The following ZMYND10 variants were observed in gnomAD, a reference collection of about 807,000 sequenced individuals.
ZMYND10 encodes zinc finger MYND-type containing 10.
In ZMYND10, 52 loss-of-function variants were observed where a neutral mutation model predicts 62.6. The observed-to-expected ratio is 0.83, with a 90% CI of 0.67 to 1.05. The LOEUF is 1.05. Among genes scored for constraint, ZMYND10 ranks in the 50% least tolerant of loss-of-function variants. The pLI is 0.00. For synonymous variants in ZMYND10, 197 were observed against 218.5 expected, an observed-to-expected ratio of 0.90 and a Z score of 0.87; for missense variants, 438 against 543.3, an observed-to-expected ratio of 0.81 and a Z score of 1.93.
chr3:50,341,934 A>G lies in ZMYND10; in HGVS notation c.1000-3T>C. ...AGCCGCTCCCAGATTTCTGGGATCT[A>G]GGAGAGAGAAGTGGAGAGTGGCAGG... On this transcript the variant is annotated splice_polypyrimidine_tract_variant and splice_region_variant and intron_variant, in intron 9 of 11. Transcript: ENST00000231749. 2 of 1,614,160 alleles carry G rather than the reference A, an allele frequency of 1.2e-6. No homozygotes were observed. Among genetic ancestry groups the G allele is most frequent in the Non-Finnish European group, 8.5e-7 (1 of 1,180,006 alleles).
In ZMYND10 at chr3:50,343,462, G is replaced by T; in HGVS notation, c.373-18C>A. 1.9e-6 allele frequency: 3 copies of T among 1,612,334 alleles called. No individual in the cohort carries two copies. Among genetic ancestry groups the T allele is most frequent in the Non-Finnish European group, 2.5e-6 (3 of 1,178,498 alleles). ...CACACCTCCTGGGAAAAGGAGGAGG[G>T]AAACTTTCTGTGTCTGATGCCTTCC... On this transcript the variant is annotated intron_variant, in intron 4 of 11. Transcript: ENST00000231749.
Position 50,345,395 on chromosome 3 carries a change from C to T in ZMYND10, c.92+93G>A, listed in dbSNP as rs1703513197. The T allele has an allele frequency of 6.5e-7, 1 of 1,528,578 alleles. No homozygotes were observed. Among genetic ancestry groups the T allele is most frequent in the Non-Finnish European group, 8.8e-7 (1 of 1,131,244 alleles). The allele number at this position is 1,528,578 out of a possible 1,614,324, so 94.7% of individuals were successfully genotyped here. A position where few individuals can be genotyped will look rare whatever the true frequency, so the allele number is the denominator to read the frequency against. On this transcript the variant is annotated intron_variant, in intron 1 of 11. Transcript: ENST00000231749. The surrounding 1 kb of genome is among the most constrained non-coding windows in gnomAD (Gnocchi z 5.0). ...GCTCTGCTCCCCCATTTGGGAGCCC[C>T]TCCACACTGGGCAGCCCCTCCCCCG...
In ZMYND10 at chr3:50,341,350, G is replaced by T; in HGVS notation, c.*60C>A. 1.3e-6 allele frequency: 2 copies of T among 1,595,258 alleles called. No individual in the cohort carries two copies. The highest frequency in any genetic ancestry group is 1.7e-6 in the Non-Finnish European group (2 of 1,167,144). On this transcript the variant is annotated 3_prime_UTR_variant, in exon 12 of 12. Transcript: ENST00000231749. ...GGCTGGACCGTGATCTTGAGGTTCA[G>T]GGGTGCATTCTGGGTGGATTCCCTT...
At position 50,343,432 on chromosome 3, in the gene ZMYND10, ACT is replaced by A; in HGVS notation, c.383_384del (p.Glu128ValfsTer31). 1 of 1,612,114 alleles carries A rather than the reference ACT, an allele frequency of 6.2e-7. No homozygotes were observed. Among genetic ancestry groups the A allele is most frequent in the South Asian group, 1.1e-5 (1 of 91,038 alleles). On this transcript the variant is annotated frameshift_variant, in exon 5 of 12. Coordinates refer to ENST00000231749, the MANE Select transcript of ZMYND10 (RefSeq NM_015896.4). LOFTEE classifies it high-confidence loss of function. The part of the protein sequence containing the change: ...ETVFFHKEVC[E>X]SAEDTVLDLV... The stretch of plus-strand genomic sequence containing the variant: ...AAGTCCAAGACAGTGTCTTCTGCTG[ACT>A]CACACACCTCCTGGGAAAAGGAGGA...
Position 50,341,260 on chromosome 3 carries a change from G to A in ZMYND10, c.*150C>T. 4 of 930,058 alleles carry A rather than the reference G, an allele frequency of 4.3e-6. No homozygotes were observed. The highest frequency in any genetic ancestry group is 1.6e-5 in the South Asian group (1 of 63,052). 57.6% of individuals were successfully genotyped at this position (930,058 alleles called of 1,614,324 possible). A position where few individuals can be genotyped will look rare whatever the true frequency, so the allele number is the denominator to read the frequency against. ...AGCCTTCACTTGGGGTGAGGAGGAG[G>A]GAGATCGGTCAGCAGCTTTACCGCC... On this transcript the variant is annotated 3_prime_UTR_variant, in exon 12 of 12. Transcript: ENST00000231749.
At position 50,341,309 on chromosome 3, in the gene ZMYND10, C is replaced by T; in HGVS notation, c.*101G>A. The stretch of plus-strand genomic sequence containing the variant: ...CCCGCTCTGCTCTCCACTGCGGAGA[C>T]TGGGGCTCCGGCAGAGGCTGGACCG... On this transcript the variant is annotated 3_prime_UTR_variant, in exon 12 of 12. Coordinates refer to ENST00000231749, the MANE Select transcript of ZMYND10 (RefSeq NM_015896.4). 6.9e-7 allele frequency: 1 copy of T among 1,441,886 alleles called. No individual in the cohort carries two copies. Among genetic ancestry groups the T allele is most frequent in the Non-Finnish European group, 9.6e-7 (1 of 1,046,400 alleles). The allele number at this position is 1,441,886 out of a possible 1,614,324, so 89.3% of individuals were successfully genotyped here. A position where few individuals can be genotyped will look rare whatever the true frequency, so the allele number is the denominator to read the frequency against.
chr3:50,342,819 G>T, intron 7 of ZMYND10, 99 bp downstream of exon 7: 12 of 1,491,474 alleles, frequency 8.0e-6, no homozygotes. Flanking sequence ...GTGGGCTTGG[G>T]GACAGGGTTT....
Position 50,342,043 on chromosome 3 carries a change from G to A in ZMYND10, c.971C>T (p.Pro324Leu). Residue 324 changes from proline (P) to leucine (L), a missense_variant, in exon 9 of 12, where the codon CCT (proline) becomes CTT (leucine). Physicochemically the swap from Pro to Leu is moderately conservative, Grantham distance 98 (BLOSUM62 -3). Transcript: ENST00000231749. The part of the protein sequence containing the change: ...LAHLTLTETQ[P>L]PKKDLVLEQI... ...TTCCAACACCAGGTCCTTCTTAGGA[G>A]GCTGGGTTTCAGTTAGGGTCAGATG... 6.2e-7 allele frequency: 1 copy of A among 1,614,206 alleles called. No individual in the cohort carries two copies. The highest frequency in any genetic ancestry group is 8.5e-7 in the Non-Finnish European group (1 of 1,180,036).
In ZMYND10 at chr3:50,345,482, C is replaced by T. The variant is rs993083448; in HGVS notation, c.92+6G>A. ...TCCGGGACTCCGCCTGACCCGGGTG[C>T]CTCACCCTTCGGAGCCCATCTCGCG... On this transcript the variant is annotated splice_donor_region_variant and intron_variant, in intron 1 of 11. Transcript: ENST00000231749. The surrounding 1 kb of genome is among the most constrained non-coding windows in gnomAD (Gnocchi z 5.0). 1 of 1,594,986 alleles carries T rather than the reference C, an allele frequency of 6.3e-7. No individual in the cohort carries two copies. The highest frequency in any genetic ancestry group is 1.3e-5 in the African/African-American group (1 of 74,714).
chr3:50,343,257 T>C (rs756402811), intron 5 of ZMYND10, 50 bp downstream of exon 5: 1 of 1,613,854 alleles, frequency 6.2e-7, no homozygotes, highest in South Asian at 1.1e-5. Flanking sequence ...TGCGCAGGCC[T>C]TGGGGAACCC....
chr3:50,341,365 TG>T lies in ZMYND10; in HGVS notation c.*44del, dbSNP rs1284806436. On this transcript the variant is annotated 3_prime_UTR_variant, in exon 12 of 12. Transcript: ENST00000231749. ...TTGAGGTTCAGGGGTGCATTCTGGG[TG>T]GATTCCCTTGGCATGGGTGGTCGGC... is the stretch of plus-strand genomic sequence containing the variant. 3 of 1,609,890 alleles carry T rather than the reference TG, an allele frequency of 1.9e-6. No individual in the cohort carries two copies. The highest frequency in any genetic ancestry group is 2.5e-6 in the Non-Finnish European group (3 of 1,178,162).
rs1373890907 is a variant in ZMYND10 at position 50,345,439 on chromosome 3, C to A, written c.92+49G>T. Reference sequence around the variant, plus strand: ...TCCCCCGAGTCAGGCCCCAGCTCCCCGACTCAAGGACAATGACTCCGGGAC... The same window carrying A: ...TCCCCCGAGTCAGGCCCCAGCTCCCAGACTCAAGGACAATGACTCCGGGAC... On this transcript the variant is annotated intron_variant, in intron 1 of 11. Transcript: ENST00000231749. This position sits in a 1 kb window ranked among gnomAD's most constrained non-coding sequence, Gnocchi z 5.0. 6.4e-7 allele frequency: 1 copy of A among 1,552,366 alleles called. No homozygotes were observed. The highest frequency in any genetic ancestry group is 2.4e-5 in the East Asian group (1 of 41,322).
Position 50,345,349 on chromosome 3 carries a change from G to A in ZMYND10, c.93-117C>T. 6.7e-7 allele frequency: 1 copy of A among 1,487,544 alleles called. No homozygotes were observed. Among genetic ancestry groups the A allele is most frequent in the Non-Finnish European group, 9.1e-7 (1 of 1,094,748 alleles). The allele number at this position is 1,487,544 out of a possible 1,614,324, so 92.1% of individuals were successfully genotyped here. ...AGGGGACACAGGGGGCTCAGGAGCA[G>A]TAATACTCCTGTCTCGGAACGCTCT... On this transcript the variant is annotated intron_variant, in intron 1 of 11. Coordinates refer to ENST00000231749, the MANE Select transcript of ZMYND10 (RefSeq NM_015896.4). The surrounding 1 kb of genome is among the most constrained non-coding windows in gnomAD (Gnocchi z 5.0).
chr3:50,342,524 G>A lies in ZMYND10; in HGVS notation c.746C>T (p.Pro249Leu). 2 of 1,614,098 alleles carry A rather than the reference G, an allele frequency of 1.2e-6. No individual in the cohort carries two copies. The highest frequency in any genetic ancestry group is 1.7e-6 in the Non-Finnish European group (2 of 1,179,980). Residue 249 changes from proline (P) to leucine (L), a missense_variant, in exon 8 of 12, where the codon CCC (proline) becomes CTC (leucine). Transcript: ENST00000231749. ...CTTGCTCAGCTTTTGCTGCTCTGAG[G>A]GGGCCACAGTATGCCAACGGCTGCC... ...FEGSRWHTVA[P>L]SEQQKLSKLD...
In ZMYND10 at chr3:50,345,555, G is replaced by T; in HGVS notation, c.25C>A (p.Pro9Thr). 1 of 1,606,864 alleles carries T rather than the reference G, an allele frequency of 6.2e-7. No individual in the cohort carries two copies. The highest frequency in any genetic ancestry group is 8.5e-7 in the Non-Finnish European group (1 of 1,177,282). Residue 9 changes from proline (P) to threonine (T), a missense_variant, in exon 1 of 12, where the codon CCC becomes ACC. Pro to Thr is a conservative substitution (Grantham distance 38, BLOSUM62 -1). Transcript: ENST00000231749. This position sits in a 1 kb window ranked among gnomAD's most constrained non-coding sequence, Gnocchi z 5.0. MGDLELLL[P>T]GEAEVLVRGL... ...CGCACCAGCACTTCAGCTTCCCCGGGCAGCAGCAGTTCCAGGTCTCCCATA... is the reference window on the plus strand; with the variant it reads ...CGCACCAGCACTTCAGCTTCCCCGGTCAGCAGCAGTTCCAGGTCTCCCATA...
In ZMYND10 at chr3:50,341,643, C is replaced by A. The variant is rs200276907; in HGVS notation, c.1178G>T (p.Arg393Leu). 6 of 1,614,260 alleles carry A rather than the reference C, an allele frequency of 3.7e-6. No homozygotes were observed. The highest frequency in any genetic ancestry group is 5.1e-6 in the Non-Finnish European group (6 of 1,180,052). ...VLEAVAPERPRCAYCSAEASK... is the reference protein window; with the variant it reads ...VLEAVAPERPLCAYCSAEASK... ...AGCCTCTGCACTGCAGTAAGCACAG[C>A]GGGGCCGCTCTGGAGCCACTGCCTC... The change falls in exon 11 of 12, where the codon CGC (arginine) becomes CTC (leucine). Residue 393 changes from arginine (R) to leucine (L), a missense_variant. Physicochemically the swap from Arg to Leu is moderately radical, Grantham distance 102. Transcript: ENST00000231749.
At position 50,343,322 on chromosome 3, in the gene ZMYND10, G is replaced by T. The variant is rs769514679; in HGVS notation, c.495C>A (p.Asp165Glu). The T allele has an allele frequency of 6.2e-7, 1 of 1,612,256 alleles. No homozygotes were observed. Among genetic ancestry groups the T allele is most frequent in the East Asian group, 2.2e-5 (1 of 44,878 alleles). The change falls in exon 5 of 12, where the codon GAC becomes GAA. Residue 165 changes from aspartate (D) to glutamate (E), a missense_variant. Asp to Glu is a conservative substitution (Grantham distance 45). Coordinates refer to ENST00000231749, the MANE Select transcript of ZMYND10 (RefSeq NM_015896.4). ...CTCAACCCACCTGCATGGGGTTGCT[G>T]TCCTGGGATCCCTCCCCCTCAGGGG... is the stretch of plus-strand genomic sequence containing the variant. ...GGPPEGEGSQ[D>E]SNPMQELQKQ...
At position 50,343,020 on chromosome 3, in the gene ZMYND10, TA is replaced by T; in HGVS notation, c.600-3del. 6.2e-7 allele frequency: 1 copy of T among 1,614,042 alleles called. No homozygotes were observed. Among genetic ancestry groups the T allele is most frequent in the South Asian group, 1.1e-5 (1 of 91,086 alleles). On this transcript the variant is annotated splice_polypyrimidine_tract_variant and splice_region_variant and intron_variant, in intron 6 of 11. Transcript: ENST00000231749. ...CGGCTCAAGGTGCTGAGAGAGAGGCTAGGGGCAGGGACGTTGTGAAGGAGGT... is the reference window on the plus strand; with the variant it reads ...CGGCTCAAGGTGCTGAGAGAGAGGCTGGGGCAGGGACGTTGTGAAGGAGGT...
chr3:50,342,362 T>G (rs941387815), intron 8 of ZMYND10, 35 bp downstream of exon 8: 13 of 1,556,148 alleles, frequency 8.4e-6, no homozygotes, highest in Non-Finnish European at 1.1e-5. Context: ...AGGGCGGTAC[T>G]GGGGCTGTGG....
Sources: gnomAD v4.1 joint callset for allele counts on GRCh38, gnomAD v4.1.1 for gene constraint, Gnocchi (gnomAD v3.1) non-coding constraint, MANE v1.5 for transcripts, NCBI Gene and HGNC (gene_info 2026-07-23, HGNC 2026-07-21) for gene names.